Variants in MDGA2 observed in about 807,000 individuals in gnomAD.
MDGA2 encodes MAM domain containing glycosylphosphatidylinositol anchor 2.
Under a neutral mutation model 117.8 loss-of-function variants are expected in MDGA2, and 40 were observed. The observed-to-expected ratio is 0.34, with a 90% CI of 0.26 to 0.44. MDGA2 has a LOEUF of 0.44. Ranked by LOEUF, MDGA2 falls within the 20% of genes least tolerant of loss-of-function variation. The pLI, the probability that MDGA2 is intolerant of heterozygous loss-of-function variation, is 1.00. For synonymous variants in MDGA2, 452 were observed against 439.0 expected (o/e 1.03, Z -0.37); for missense variants, 1,123 against 1,250.6 (o/e 0.90, Z 1.54).
At chr14:47,530,623 G>C (rs1365975618) in intron 1 of MDGA2, among the ~76,000 whole-genome samples, 11 of 152,060 alleles carry the variant, frequency 7.2e-5, no homozygotes, top group African/African-American at 2.7e-4. Flanking sequence ...GGTATACCAA[G>C]TGCATTGGCG....
intron 1 of MDGA2, among the ~76,000 whole-genome samples, chr14:47,535,624 G>C (rs1895194874): frequency 6.6e-6 from 1 of 152,206 alleles, no homozygotes; most frequent in South Asian, 2.1e-4. Flanking sequence ...GCTAAAAATA[G>C]AAGCAGATAA....
chr14:47,173,406 T>C (rs372471874), intron 3 of MDGA2, among the ~76,000 whole-genome samples: 4 of 152,210 alleles, frequency 2.6e-5, no homozygotes, highest in Non-Finnish European at 5.9e-5. Context: ...AGAGAAAGGT[T>C]GGGTTACCCA....
At chr14:47,588,768 G>A (rs1453448656) in intron 1 of MDGA2, among the ~76,000 whole-genome samples, 2 of 151,798 alleles carry the variant, frequency 1.3e-5, no homozygotes, top group African/African-American at 2.4e-5. Context: ...GGTTTCTATT[G>A]TTGCTGTAAT....
chr14:47,141,793 G>T (rs1206727569), intron 4 of MDGA2, among the ~76,000 whole-genome samples: 2 of 152,152 alleles, frequency 1.3e-5, no homozygotes, highest in Non-Finnish European at 2.9e-5. Context: ...ATAAATTCTA[G>T]TGTTCTATTG....
At chr14:47,578,653 T>G (rs2138835692) in intron 1 of MDGA2, among the ~76,000 whole-genome samples, 1 of 152,302 alleles carries the variant, frequency 6.6e-6, no homozygotes, top group Admixed American at 6.5e-5. Flanking sequence ...GTTAATATTT[T>G]TCTTTTTAAT....
At chr14:46,955,669 A>T (rs1885538585) in intron 9 of MDGA2, among the ~76,000 whole-genome samples, 1 of 151,514 alleles carries the variant, frequency 6.6e-6, no homozygotes, top group Admixed American at 6.6e-5. Flanking sequence ...TAATCTTTTA[A>T]GATTTCCTGT....
At chr14:47,133,803 C>T (rs938247105) in intron 4 of MDGA2, among the ~76,000 whole-genome samples, 1 of 152,000 alleles carries the variant, frequency 6.6e-6, no homozygotes, top group African/African-American at 2.4e-5. Flanking sequence ...CTCTGTCTCT[C>T]AGCTAGATCC....
At chr14:47,391,550 T>C (rs1003322388) in intron 1 of MDGA2, among the ~76,000 whole-genome samples, 2 of 152,182 alleles carry the variant, frequency 1.3e-5, no homozygotes, top group Non-Finnish European at 2.9e-5. Flanking sequence ...CATCTCACTT[T>C]GGACATCTGT....
chr14:46,882,710 A>T (rs1882512345), intron 10 of MDGA2, among the ~76,000 whole-genome samples: 1 of 151,972 alleles, frequency 6.6e-6, no homozygotes, highest in African/African-American at 2.4e-5. Context: ...AAACAAATGT[A>T]TAATATAAAA....
chr14:46,911,999 G>A (rs1278092540), intron 10 of MDGA2, among the ~76,000 whole-genome samples: 1 of 152,020 alleles, frequency 6.6e-6, no homozygotes, highest in Non-Finnish European at 1.5e-5. Flanking sequence ...CTCAGACTGG[G>A]AGTGATTCAT....
chr14:47,653,032 A>C (rs2138273568), intron 1 of MDGA2, among the ~76,000 whole-genome samples: 1 of 152,032 alleles, frequency 6.6e-6, no homozygotes, highest in Non-Finnish European at 1.5e-5. Context: ...GCTAACTTCC[A>C]AAAACCAACT....
At chr14:47,173,839 A>G (rs1309573380) in intron 3 of MDGA2, among the ~76,000 whole-genome samples, 6 of 152,208 alleles carry the variant, frequency 3.9e-5, no homozygotes, top group Non-Finnish European at 8.8e-5. Context: ...GCTCCAATTA[A>G]AAGACACGGA....
At chr14:47,613,734 A>G (rs904787169) in intron 1 of MDGA2, among the ~76,000 whole-genome samples, 21 of 152,302 alleles carry the variant, frequency 1.4e-4, no homozygotes, top group African/African-American at 5.1e-4. Flanking sequence ...ACACGTGATG[A>G]CAATGTAATT....
At chr14:46,864,552 T>TTG (rs1489207534) in intron 14 of MDGA2, among the ~76,000 whole-genome samples, 19 of 35,612 alleles carry the variant, frequency 5.3e-4, no homozygotes, top group African/African-American at 3.5e-3. Flanking sequence ...GCTGTTTTTT[T>TTG]TTTTTTTTTT....
At chr14:47,592,980 T>C (rs1594934070) in intron 1 of MDGA2, among the ~76,000 whole-genome samples, 1 of 152,074 alleles carries the variant, frequency 6.6e-6, no homozygotes, top group Non-Finnish European at 1.5e-5. Context: ...ATTTTTGCAA[T>C]CTATCCATCT....
At chr14:47,484,389 G>C (rs1338079739) in intron 1 of MDGA2, among the ~76,000 whole-genome samples, 1 of 152,158 alleles carries the variant, frequency 6.6e-6, no homozygotes, top group Non-Finnish European at 1.5e-5. Context: ...AGCCCTTGAT[G>C]ACAATGGTAT....
chr14:47,009,302 A>T (rs112734095), intron 8 of MDGA2, among the ~76,000 whole-genome samples: 1 of 152,086 alleles, frequency 6.6e-6, no homozygotes, highest in African/African-American at 2.4e-5. Context: ...GTTCTAAAAA[A>T]GTTAGCCAAT....
intron 1 of MDGA2, among the ~76,000 whole-genome samples, chr14:47,534,663 T>C (rs1248288991): frequency 1.3e-5 from 2 of 152,138 alleles, no homozygotes; most frequent in East Asian, 1.9e-4. Flanking sequence ...GTGGGGGTTA[T>C]AGTTTGAGAT....
In MDGA2 at chr14:47,232,859, A is replaced by T. The variant is rs145095964; in HGVS notation, c.421-14664T>A. ...CTATAATTTTAATGACAGAAAGAGGAATGATGGAAAATAGGAGGGCATTGG... is the reference window on the plus strand; with the variant it reads ...CTATAATTTTAATGACAGAAAGAGGTATGATGGAAAATAGGAGGGCATTGG... On this transcript the variant is annotated intron_variant, in intron 2 of 16. Transcript: ENST00000399232. Among the ~76,000 whole-genome samples, 562 of 152,266 alleles carry T rather than the reference A, an allele frequency of 3.7e-3. 4 individuals carry two copies. The highest frequency in any genetic ancestry group is 0.013 in the African/African-American group (530 of 41,566).
Sources: gnomAD v4.1 joint callset for allele counts (sites outside exome capture counted in the v4.1 genomes callset) on GRCh38, gnomAD v4.1.1 for gene constraint, MANE v1.5 for transcripts, NCBI Gene and HGNC (gene_info 2026-07-23, HGNC 2026-07-21) for gene names.